ZNF223: variants seen among roughly 807,000 people sequenced by gnomAD.
The protein encoded by ZNF223 is Homo sapiens zinc finger protein 223.
Under a neutral mutation model 12.3 loss-of-function variants are expected in ZNF223, and 9 were observed. That is an observed-to-expected ratio of 0.73 (90% CI 0.44 to 1.28). The LOEUF (loss-of-function observed/expected upper bound fraction) is 1.28, where lower values mean the gene tolerates loss of function less well. Ranked by LOEUF, ZNF223 falls within the 50% of genes most tolerant of loss-of-function variation. ZNF223 has a pLI of 0.00. For synonymous variants in ZNF223, 171 were observed against 195.2 expected, an observed-to-expected ratio of 0.88 and a Z score of 1.03; for missense variants, 506 against 579.0, an observed-to-expected ratio of 0.87 and a Z score of 1.29.
In ZNF223 at chr19:44,066,078, C is replaced by A. The variant is rs1192902006; in HGVS notation, c.250C>A (p.Pro84Thr). The A allele has an allele frequency of 6.9e-6, 11 of 1,595,594 alleles. No individual in the cohort carries two copies. Among genetic ancestry groups the A allele is most frequent in the Non-Finnish European group, 9.4e-6 (11 of 1,173,432 alleles). The part of the protein sequence containing the change: ...REGNSGGKIQ[P>T]EMKTFPEAGP... ...TATTCTGATAGGAGGCAAGATCCAA[C>A]CTGAGATGAAGACTTTTCCAGAAGC... is the stretch of plus-strand genomic sequence containing the variant. The change falls in exon 5 of 5, where the codon CCT becomes ACT. Residue 84 changes from proline (P) to threonine (T), a missense_variant. Physicochemically the swap from Pro to Thr is conservative, Grantham distance 38. Transcript: ENST00000434772.
intron 2 of ZNF223, among the ~76,000 whole-genome samples, chr19:44,057,657 G>C (rs953004531): frequency 2.0e-5 from 3 of 152,180 alleles, no homozygotes; most frequent in African/African-American, 7.2e-5. Flanking sequence ...ACATGTCTGA[G>C]GTCACATGGT....
chr19:44,062,489 C>T (rs1976855040), intron 4 of ZNF223, among the ~76,000 whole-genome samples: 1 of 151,950 alleles, frequency 6.6e-6, no homozygotes, highest in Non-Finnish European at 1.5e-5. Context: ...GGATGCCAAA[C>T]CCATGGATAT....
chr19:44,057,902 A>T (rs1976789535), intron 2 of ZNF223, among the ~76,000 whole-genome samples: 1 of 152,198 alleles, frequency 6.6e-6, no homozygotes, highest in Admixed American at 6.5e-5. Context: ...ATTTATTACT[A>T]CAGATTGGCA....
chr19:44,059,293 C>T lies in ZNF223; in HGVS notation c.16-1162C>T, dbSNP rs114320939. Reference sequence around the variant, plus strand: ...GAACATGGTGCGAGAAAGCACAGTCCACTGTAGCTTTGTTGAGGTTGTGTG... The same window carrying T: ...GAACATGGTGCGAGAAAGCACAGTCTACTGTAGCTTTGTTGAGGTTGTGTG... On this transcript the variant is annotated intron_variant, in intron 2 of 4. Coordinates refer to ENST00000434772, the MANE Select transcript of ZNF223 (RefSeq NM_013361.6). Among the ~76,000 whole-genome samples the T allele has an allele frequency of 2.0e-3, 301 of 152,262 alleles. 2 individuals are homozygous for T. The highest frequency in any genetic ancestry group is 6.8e-3 in the African/African-American group (282 of 41,538).
At chr19:44,060,657 G>C in intron 3 of ZNF223, 76 bp downstream of exon 3, 1 of 1,613,558 alleles carries the variant, frequency 6.2e-7, no homozygotes, top group Non-Finnish European at 8.5e-7. Context: ...TCAAGTTTGA[G>C]TGTGCAGTGG....
chr19:44,052,673 A>G (rs1379686045), intron 1 of ZNF223, among the ~76,000 whole-genome samples: 1 of 152,168 alleles, frequency 6.6e-6, no homozygotes, highest in Middle Eastern at 3.2e-3. Context: ...GTTGATGACC[A>G]TCAACCAAAT....
chr19:44,066,776 C>T lies in ZNF223; in HGVS notation c.948C>T (p.Asn316=). Residue 316 remains asparagine (N), a synonymous_variant, in exon 5 of 5, where the codon AAC becomes AAT. Transcript: ENST00000434772. The stretch of plus-strand genomic sequence containing the variant: ...TGGTCCACACAGGAAAGAAACCAAA[C>T]AGCACTGGGGAATATGGAAAAGGCT... ...HCVVHTGKKP[N]STGEYGKGFI... is the part of the protein sequence containing the mutation. 1 of 1,614,178 alleles carries T rather than the reference C, an allele frequency of 6.2e-7. No individual in the cohort carries two copies. Among genetic ancestry groups the T allele is most frequent in the South Asian group, 1.1e-5 (1 of 91,086 alleles).
chr19:44,066,341 A>G lies in ZNF223; in HGVS notation c.513A>G (p.Ser171=). 1 of 1,614,256 alleles carries G rather than the reference A, an allele frequency of 6.2e-7. No individual in the cohort carries two copies. Among genetic ancestry groups the G allele is most frequent in the Non-Finnish European group, 8.5e-7 (1 of 1,180,046 alleles). ...SIFDLPQQIR[S]AEKSHSCDEC... ...TTGATCTTCCTCAGCAAATACGCTCAGCAGAGAAGTCTCATTCCTGTGATG... is the reference window on the plus strand; with the variant it reads ...TTGATCTTCCTCAGCAAATACGCTCGGCAGAGAAGTCTCATTCCTGTGATG... The change falls in exon 5 of 5, where the codon TCA becomes TCG. Residue 171 remains serine (S), a synonymous_variant. Transcript: ENST00000434772.
chr19:44,059,435 G>A (rs746498502), intron 2 of ZNF223, among the ~76,000 whole-genome samples: 2 of 152,202 alleles, frequency 1.3e-5, no homozygotes, highest in African/African-American at 2.4e-5. Context: ...ACTGTGGCAT[G>A]AAGGATGCTG....
In ZNF223 at chr19:44,059,797, C is replaced by A. The variant is rs187781335; in HGVS notation, c.16-658C>A. ...CTATACAAAAAATGCCTGCTAGTGC[C>A]AGCCACCCAAATGGGATCAGGTGTC... On this transcript the variant is annotated intron_variant, in intron 2 of 4. Coordinates refer to ENST00000434772, the MANE Select transcript of ZNF223 (RefSeq NM_013361.6). 3.0e-4 allele frequency among the ~76,000 whole-genome samples: 46 copies of A among 152,318 alleles called. No individual in the cohort carries two copies. The East Asian group carries it at 4.6e-3, about 15-fold the overall frequency.
In ZNF223 at chr19:44,067,744, G is replaced by A. The variant is rs1159199261; in HGVS notation, c.*467G>A. On this transcript the variant is annotated 3_prime_UTR_variant, in exon 5 of 5. Coordinates refer to ENST00000434772, the MANE Select transcript of ZNF223 (RefSeq NM_013361.6). ...TTTGACAATTAGTTATTATTCAGGA[G>A]ACAGGTCTTAGTATAAGAGTTTGTT... The A allele has an allele frequency of 3.6e-6, 1 of 278,256 alleles. No individual in the cohort carries two copies. The highest frequency in any genetic ancestry group is 7.1e-6 in the Non-Finnish European group (1 of 140,742). The allele number at this position is 278,256 out of a possible 1,614,324, so 17.2% of individuals were successfully genotyped here.
At chr19:44,064,451 A>G (rs971811362) in intron 4 of ZNF223, among the ~76,000 whole-genome samples, 1 of 152,166 alleles carries the variant, frequency 6.6e-6, no homozygotes, top group Non-Finnish European at 1.5e-5. Flanking sequence ...ATCCATATCA[A>G]AACAGAAAAA....
chr19:44,064,150 C>G (rs988854428), intron 4 of ZNF223, among the ~76,000 whole-genome samples: 3 of 152,154 alleles, frequency 2.0e-5, no homozygotes, highest in African/African-American at 7.2e-5. Context: ...GACACCTTTC[C>G]TGCTTGTCTC....
rs148654869 is a variant in ZNF223 at position 44,067,107 on chromosome 19, C to A, written c.1279C>A (p.Pro427Thr). The change falls in exon 5 of 5, where the codon CCA (proline) becomes ACA (threonine). Residue 427 changes from proline to threonine, a missense_variant. Pro to Thr is a conservative substitution (Grantham distance 38, BLOSUM62 -1). Coordinates refer to ENST00000434772, the MANE Select transcript of ZNF223 (RefSeq NM_013361.6). ...TAAGAGACTCCATTGCCGAAAAAAA[C>A]CATTCAAATGTGAGGATTGTGGAAA... ...NHKRLHCRKK[P>T]FKCEDCGKKL... The A allele has an allele frequency of 5.9e-3, 9,516 of 1,613,398 alleles. 54 individuals carry two copies. Among genetic ancestry groups the A allele is most frequent in the South Asian group, 1.0e-2 (906 of 90,852 alleles).
At chr19:44,060,881 CATCT>C in intron 4 of ZNF223, 40 bp downstream of exon 4, 1 of 1,570,360 alleles carries the variant, frequency 6.4e-7, no homozygotes. Flanking sequence ...TTGTGACTTC[CATCT>C]GTTTTACTTC....
intron 4 of ZNF223, among the ~76,000 whole-genome samples, chr19:44,063,015 AT>A (rs1428137824): frequency 2.0e-5 from 3 of 152,158 alleles, no homozygotes; most frequent in African/African-American, 7.2e-5. Flanking sequence ...CTTTTTGTTT[AT>A]TTTTATAGAT....
At position 44,066,999 on chromosome 19, in the gene ZNF223, C is replaced by T. The variant is rs1441746905; in HGVS notation, c.1171C>T (p.His391Tyr). ...YITKSGLDLHHRAHTGERPYN... is the reference protein window; with the variant it reads ...YITKSGLDLHYRAHTGERPYN... ...TACTAAGTCAGGTCTTGACTTGCAC[C>T]ATAGAGCCCACACAGGAGAGAGACC... Residue 391 changes from histidine to tyrosine, a missense_variant, in exon 5 of 5, where the codon CAT becomes TAT. His to Tyr is a moderately conservative substitution (Grantham distance 83). Transcript: ENST00000434772. 3 of 1,612,906 alleles carry T rather than the reference C, an allele frequency of 1.9e-6. No individual in the cohort carries two copies. The African/African-American group carries it at 4.0e-5, about 22-fold the overall frequency.
chr19:44,064,167 G>A (rs1247545856), intron 4 of ZNF223, among the ~76,000 whole-genome samples: 1 of 152,150 alleles, frequency 6.6e-6, no homozygotes, highest in African/African-American at 2.4e-5. Flanking sequence ...TCTCCACACT[G>A]TGATAATTTT....
At position 44,066,943 on chromosome 19, in the gene ZNF223, A is replaced by G. The variant is rs1259901707; in HGVS notation, c.1115A>G (p.Tyr372Cys). The change falls in exon 5 of 5, where the codon TAC becomes TGC. Residue 372 changes from tyrosine to cysteine, a missense_variant. Physicochemically the swap from Tyr to Cys is radical, Grantham distance 194. Transcript: ENST00000434772. Reference sequence around the variant, plus strand: ...CGAGTCCACACTGGAGAAAAGCCATACAAATGTGACAAGTGTGGGAAGAGC... The same window carrying G: ...CGAGTCCACACTGGAGAAAAGCCATGCAAATGTGACAAGTGTGGGAAGAGC... ...HQRVHTGEKP[Y>C]KCDKCGKSYI... The G allele has an allele frequency of 1.2e-6, 2 of 1,614,096 alleles. No individual in the cohort carries two copies. Among genetic ancestry groups the G allele is most frequent in the Non-Finnish European group, 1.7e-6 (2 of 1,180,046 alleles).
Sources: allele counts gnomAD v4.1 joint callset (sites outside exome capture counted in the v4.1 genomes callset), GRCh38; gene constraint gnomAD v4.1.1; transcripts MANE v1.5; gene names NCBI Gene and HGNC (gene_info 2026-07-23, HGNC 2026-07-21).